Variants in PRLR observed in about 807,000 individuals in gnomAD.
The protein encoded by PRLR is hPRL receptor.
In PRLR, 13 loss-of-function variants were observed where a neutral mutation model predicts 40.2. The observed-to-expected ratio is 0.32, with a 90% CI of 0.21 to 0.51. The LOEUF is 0.51. Ranked by LOEUF, PRLR falls within the 20% of genes least tolerant of loss-of-function variation. The pLI is 0.97. For missense variants in PRLR, 656 were observed against 747.3 expected, an observed-to-expected ratio of 0.88 and a Z score of 1.42; for synonymous variants, 269 against 278.7, an observed-to-expected ratio of 0.97 and a Z score of 0.35.
intron 1 of PRLR, among the ~76,000 whole-genome samples, chr5:35,150,330 C>A (rs1774305135): frequency 6.6e-6 from 1 of 152,200 alleles, no homozygotes; most frequent in Non-Finnish European, 1.5e-5. Flanking sequence ...AAAGCACAAA[C>A]AGGCCCCAAA....
chr5:35,194,262 C>A (rs1775678075), intron 1 of PRLR, among the ~76,000 whole-genome samples: 1 of 152,168 alleles, frequency 6.6e-6, no homozygotes, highest in African/African-American at 2.4e-5. Flanking sequence ...ATGAAGCTGA[C>A]ATGGTTCCTG....
intron 2 of PRLR, among the ~76,000 whole-genome samples, chr5:35,102,497 ACTCCTCTCCTCTCCTCTCCT>A (rs796335773): frequency 0.06 from 4,107 of 68,878 alleles, 283 homozygotes; most frequent in African/African-American, 0.17. Flanking sequence ...TCTCCTCTCC[ACTCCTCTCCTCTCCTCTCCT>A]CTCCTCTCCT....
intron 1 of PRLR, among the ~76,000 whole-genome samples, chr5:35,160,861 C>A (rs1774654626): frequency 6.6e-6 from 1 of 152,188 alleles, no homozygotes; most frequent in African/African-American, 2.4e-5. Context: ...CCACCCCCAC[C>A]TCTTCCCCTA....
intron 2 of PRLR, among the ~76,000 whole-genome samples, chr5:35,091,225 A>G (rs1475554066): frequency 6.6e-6 from 1 of 152,010 alleles, no homozygotes; most frequent in East Asian, 1.9e-4. Flanking sequence ...CTGCTCCTAC[A>G]AGATTCCTTC....
chr5:35,175,568 G>A (rs1327301905), intron 1 of PRLR, among the ~76,000 whole-genome samples: 1 of 152,176 alleles, frequency 6.6e-6, no homozygotes, highest in African/African-American at 2.4e-5. Flanking sequence ...TGCTAAGCAA[G>A]GAGGAAAAGG....
chr5:35,077,643 G>C (rs1429252629), intron 5 of PRLR, among the ~76,000 whole-genome samples: 4 of 151,988 alleles, frequency 2.6e-5, no homozygotes, highest in African/African-American at 9.7e-5. Flanking sequence ...TAGACAGATC[G>C]ACGACACAGA....
chr5:35,177,755 G>A (rs1775187439), intron 1 of PRLR, among the ~76,000 whole-genome samples: 1 of 152,284 alleles, frequency 6.6e-6, no homozygotes, highest in African/African-American at 2.4e-5. Context: ...AGTGTGAATA[G>A]GGCTGCTATA....
intron 1 of PRLR, among the ~76,000 whole-genome samples, chr5:35,129,034 G>C (rs1486113803): frequency 2.0e-5 from 3 of 152,140 alleles, no homozygotes; most frequent in African/African-American, 7.2e-5. Context: ...TGCCTCTGTG[G>C]GTCTTCACTG....
At chr5:35,114,753 C>T (rs1413922928) in intron 2 of PRLR, among the ~76,000 whole-genome samples, 2 of 152,120 alleles carry the variant, frequency 1.3e-5, no homozygotes, top group African/African-American at 2.4e-5. Context: ...CATCAGAAGC[C>T]CACAGAACTC....
rs146850040 is a variant in PRLR, at chr5:35,132,501, G to A, written c.-105-14379C>T. 1.7e-4 allele frequency among the ~76,000 whole-genome samples: 26 copies of A among 152,180 alleles called. No individual in the cohort carries two copies. In the South Asian group the frequency reaches 3.9e-3, roughly 23 times the overall value. The stretch of plus-strand genomic sequence containing the variant: ...TTATGACCATATTCTTATGTAACCC[G>A]TGTTCTTTTCACATCCAACAGAATT... On this transcript the variant is annotated intron_variant, in intron 1 of 9. Coordinates refer to ENST00000618457, the MANE Select transcript of PRLR (RefSeq NM_000949.7).
At chr5:35,229,553 T>C (rs1206899745) in intron 1 of PRLR, among the ~76,000 whole-genome samples, 1 of 152,032 alleles carries the variant, frequency 6.6e-6, no homozygotes, top group African/African-American at 2.4e-5. Flanking sequence ...TTTAACCAAC[T>C]CCTCTTCCCT....
At chr5:35,084,738 A>G in intron 4 of PRLR, 99 bp from the exon 5 acceptor site, 1 of 1,164,812 alleles carries the variant, frequency 8.6e-7, no homozygotes, top group East Asian at 2.7e-5. Flanking sequence ...GGTATCAGAA[A>G]TTCCAAGCGC....
chr5:35,089,719 C>G (rs2112474941), intron 2 of PRLR, 56 bp from the exon 3 acceptor site: 1 of 1,071,686 alleles, frequency 9.3e-7, no homozygotes, highest in South Asian at 1.3e-5. Context: ...TCAGGCACAT[C>G]CACCACTTTA....
intron 1 of PRLR, among the ~76,000 whole-genome samples, chr5:35,225,939 C>T (rs1344780610): frequency 6.6e-6 from 1 of 152,216 alleles, no homozygotes; most frequent in African/African-American, 2.4e-5. Context: ...GCCTCGGCCT[C>T]CTAAAGTGCT....
chr5:35,130,534 C>T (rs1462935249), intron 1 of PRLR, among the ~76,000 whole-genome samples: 2 of 152,150 alleles, frequency 1.3e-5, no homozygotes, highest in East Asian at 3.9e-4. Flanking sequence ...CCACAGAACT[C>T]GAGTTGTGAT....
chr5:35,220,043 C>T (rs991590081), intron 1 of PRLR, among the ~76,000 whole-genome samples: 2 of 152,180 alleles, frequency 1.3e-5, no homozygotes, highest in East Asian at 1.9e-4. Flanking sequence ...TCCACCCTCC[C>T]CTCTTGCTTG....
At chr5:35,144,657 T>A in intron 1 of PRLR, among the ~76,000 whole-genome samples, 1 of 38,760 alleles carries the variant, frequency 2.6e-5, no homozygotes, top group East Asian at 7.0e-4. Context: ...AGAGACAGGG[T>A]TTAGCCTGTT....
intron 1 of PRLR, among the ~76,000 whole-genome samples, chr5:35,120,000 T>C (rs1773229807): frequency 6.6e-6 from 1 of 152,096 alleles, no homozygotes; most frequent in Non-Finnish European, 1.5e-5. Flanking sequence ...TAGGAAATGC[T>C]TGGCTTACCA....
At chr5:35,076,950 T>C (rs1490200301) in intron 5 of PRLR, among the ~76,000 whole-genome samples, 1 of 152,138 alleles carries the variant, frequency 6.6e-6, no homozygotes, top group Non-Finnish European at 1.5e-5. Flanking sequence ...AAACTAAGCT[T>C]CATAAGTGAA....
Sources: gnomAD v4.1 joint callset for allele counts (sites outside exome capture counted in the v4.1 genomes callset) on GRCh38, gnomAD v4.1.1 for gene constraint, MANE v1.5 for transcripts, NCBI Gene and HGNC (gene_info 2026-07-23, HGNC 2026-07-21) for gene names.